GBF1: variants seen among roughly 807,000 people sequenced by gnomAD.
GBF1 encodes golgi brefeldin A resistant guanine nucleotide exchange factor 1, also known as Golgi-specific brefeldin A-resistance guanine nucleotide exchange factor 1.
In GBF1, 114 loss-of-function variants were observed where a neutral mutation model predicts 210.5. The observed-to-expected ratio is 0.54, with a 90% CI of 0.47 to 0.63. The LOEUF is 0.63. Among genes scored for constraint, GBF1 ranks in the 30% least tolerant of loss-of-function variants. The pLI, the probability that GBF1 is intolerant of heterozygous loss-of-function variation, is 0.00. For synonymous variants in GBF1, 850 were observed against 889.2 expected (o/e 0.96, Z 0.78); for missense variants, 1,851 against 2,357.7 (o/e 0.79, Z 4.45).
rs1412464796 is a variant in GBF1, at chr10:102,363,350, T to C, written c.1971T>C (p.His657=). ...LPGGGRLPPE[H]GKSGCSDLEE... The stretch of plus-strand genomic sequence containing the variant: ...GTGGAGGGCGGCTGCCACCAGAACA[T>C]GGGAAATCAGGATGCAGTGATCTGG... The change falls in exon 16 of 40, where the codon CAT becomes CAC. Residue 657 remains histidine, a synonymous_variant. Coordinates refer to ENST00000369983, the MANE Select transcript of GBF1 (RefSeq NM_001377137.1). This position sits in a 1 kb window ranked among gnomAD's most constrained non-coding sequence, Gnocchi z 4.2. The C allele has an allele frequency of 1.2e-6, 2 of 1,613,782 alleles. No homozygotes were observed. The highest frequency in any genetic ancestry group is 1.3e-5 in the African/African-American group (1 of 74,940).
intron 3 of GBF1, among the ~76,000 whole-genome samples, chr10:102,303,990 GT>G (rs138807813): frequency 1.2e-3 from 183 of 148,922 alleles, no homozygotes; most frequent in African/African-American, 4.4e-3. Flanking sequence ...TTTTAATCTA[GT>G]TTTTTTTTTA....
At chr10:102,368,028 G>A (rs956784398) in intron 21 of GBF1, among the ~76,000 whole-genome samples, 190 bp from the exon 22 acceptor site, 2 of 152,206 alleles carry the variant, frequency 1.3e-5, no homozygotes, top group Non-Finnish European at 2.9e-5. Flanking sequence ...TACAGATAGG[G>A]CTTTGAGATT....
intron 7 of GBF1, 62 bp downstream of exon 7, chr10:102,352,580 ACACAGCCACGTCAGGGACCTGGCCAACCC>A: frequency 8.6e-7 from 1 of 1,164,830 alleles, no homozygotes; most frequent in African/African-American, 1.5e-5. Context: ...GCCTGCTTCC[ACACAGCCACGTCAGGGACCTGGCCAACCC>A]CACAGCCGCA....
Position 102,369,574 on chromosome 10 carries a change from C to T in GBF1, c.3151-137C>T, listed in dbSNP as rs1044401003. Reference sequence around the variant, plus strand: ...AGCTGTAAAAGAAGGCTGGTAGATGCCATTGCCAGTCACCAATTGGCACAA... The same window carrying T: ...AGCTGTAAAAGAAGGCTGGTAGATGTCATTGCCAGTCACCAATTGGCACAA... On this transcript the variant is annotated intron_variant, in intron 24 of 39. Coordinates refer to ENST00000369983, the MANE Select transcript of GBF1 (RefSeq NM_001377137.1). The T allele has an allele frequency of 2.5e-5, 22 of 893,584 alleles. No homozygotes were observed. In the African/African-American group the frequency reaches 2.8e-4, roughly 11 times the overall value. The allele number at this position is 893,584 out of a possible 1,614,324, so 55.4% of individuals were successfully genotyped here.
At chr10:102,236,839 G>A in the GBF1 span, among the ~76,000 whole-genome samples, 1 of 152,182 alleles carries the variant, frequency 6.6e-6, no homozygotes, top group African/African-American at 2.4e-5. Flanking sequence ...TAAATGGAGA[G>A]ATGAGAGGAG....
At chr10:102,271,163 A>G (rs1178108871) in intron 3 of GBF1, among the ~76,000 whole-genome samples, 2 of 150,912 alleles carry the variant, frequency 1.3e-5, no homozygotes, top group African/African-American at 4.9e-5. Context: ...TCAGCCTCCC[A>G]AGTAGCTGGG....
At chr10:102,380,396 T>C (rs772090346) in intron 37 of GBF1, 34 bp downstream of exon 37, 2 of 1,578,974 alleles carry the variant, frequency 1.3e-6, no homozygotes, top group Non-Finnish European at 8.7e-7. Context: ...GCCTGCCTCC[T>C]GTCCCACCTG....
intron 13 of GBF1, 46 bp downstream of exon 13, chr10:102,361,166 G>T: frequency 1.0e-6 from 1 of 987,790 alleles, no homozygotes. Flanking sequence ...AAAATAGGGA[G>T]ATATATGGCA....
chr10:102,233,548 C>T, the GBF1 span, among the ~76,000 whole-genome samples: 2 of 152,124 alleles, frequency 1.3e-5, no homozygotes, highest in Non-Finnish European at 2.9e-5. Flanking sequence ...AGGTGATCTG[C>T]CTGCCTCGGC....
chr10:102,361,476 C>T (rs1427165864), intron 13 of GBF1, among the ~76,000 whole-genome samples: 1 of 152,160 alleles, frequency 6.6e-6, no homozygotes, highest in Non-Finnish European at 1.5e-5. Flanking sequence ...GTTCACATAG[C>T]ACAAAAGGGC....
At chr10:102,316,335 C>T (rs142198205) in intron 3 of GBF1, among the ~76,000 whole-genome samples, 2,016 of 152,248 alleles carry the variant, frequency 0.013, 38 homozygotes, top group African/African-American at 0.046. Flanking sequence ...GATCCGCCCG[C>T]CTTAGCCTCC....
chr10:102,334,713 G>A (rs1225414402), intron 3 of GBF1, among the ~76,000 whole-genome samples: 1 of 152,116 alleles, frequency 6.6e-6, no homozygotes, highest in Non-Finnish European at 1.5e-5. Flanking sequence ...GCCAGGCGTG[G>A]TGGCTTGCGC....
intron 1 of GBF1, among the ~76,000 whole-genome samples, chr10:102,252,754 G>C (rs1198664085): frequency 1.1e-4 from 17 of 151,974 alleles, no homozygotes; most frequent in Non-Finnish European, 2.9e-5. Context: ...GGCTGAGGTG[G>C]GAGGATCGCT....
At chr10:102,295,825 A>C (rs1437216644) in intron 3 of GBF1, among the ~76,000 whole-genome samples, 2 of 152,224 alleles carry the variant, frequency 1.3e-5, no homozygotes, top group African/African-American at 4.8e-5. Context: ...TCTGTTAGCT[A>C]TACTGATTAA....
At chr10:102,369,690 T>C in intron 24 of GBF1, 21 bp from the exon 25 acceptor site, 1 of 1,610,682 alleles carries the variant, frequency 6.2e-7, no homozygotes, top group Non-Finnish European at 8.5e-7. Flanking sequence ...GGAAAGAAAT[T>C]ATTTTGACTT....
intron 3 of GBF1, among the ~76,000 whole-genome samples, chr10:102,334,444 G>C (rs2057572272): frequency 6.6e-6 from 1 of 152,214 alleles, no homozygotes; most frequent in Non-Finnish European, 1.5e-5. Context: ...TTCCCTTGTA[G>C]CTTAGGAGAG....
chr10:102,286,325 A>G (rs1164838535), intron 3 of GBF1, among the ~76,000 whole-genome samples: 1 of 151,464 alleles, frequency 6.6e-6, no homozygotes, highest in Non-Finnish European at 1.5e-5. Flanking sequence ...TATCAGGATG[A>G]CTTTGATTTA....
At chr10:102,304,989 AAAAGAAAG>A (rs141632616) in intron 3 of GBF1, among the ~76,000 whole-genome samples, 144,519 of 148,802 alleles carry the variant, frequency 0.97, 70,214 homozygotes, top group East Asian at 1. Context: ...CTCTTAAAAA[AAAAGAAAG>A]AAAGAAAGAA....
chr10:102,278,647 C>G (rs1418859707), intron 3 of GBF1, among the ~76,000 whole-genome samples: 9 of 152,186 alleles, frequency 5.9e-5, no homozygotes, highest in Non-Finnish European at 1.0e-4. Flanking sequence ...CAAATCTTCT[C>G]TTATAGCTAT....
Sources: gnomAD v4.1 joint callset for allele counts (sites outside exome capture counted in the v4.1 genomes callset) on GRCh38, gnomAD v4.1.1 for gene constraint, Gnocchi (gnomAD v3.1) non-coding constraint, MANE v1.5 for transcripts, NCBI Gene and HGNC (gene_info 2026-07-23, HGNC 2026-07-21) for gene names.